NTM: variants seen among roughly 807,000 people sequenced by gnomAD.
The protein encoded by NTM is IgLON family member 2.
Under a neutral mutation model 42.1 loss-of-function variants are expected in NTM, and 13 were observed. The ratio of observed to expected loss-of-function variants is 0.31; its 90% CI spans 0.20 to 0.49. The LOEUF is 0.49. Ranked by LOEUF, NTM falls within the 20% of genes least tolerant of loss-of-function variation. NTM has a pLI of 0.99. For missense variants in NTM, 373 were observed against 452.8 expected (o/e 0.82, Z 1.60); for synonymous variants, 187 against 179.2 (o/e 1.04, Z -0.35).
intron 2 of NTM, among the ~76,000 whole-genome samples, chr11:131,933,235 G>A (rs1266806928): frequency 6.6e-6 from 1 of 152,182 alleles, no homozygotes; most frequent in Non-Finnish European, 1.5e-5. Flanking sequence ...CAGGGAGTGC[G>A]TGGGGCCCTG....
At position 131,873,537 on chromosome 11, in the gene NTM, TGTATATATATACATATATATATACC is replaced by T. The variant is rs1565657196; in HGVS notation, c.83-37952_83-37928del. On this transcript the variant is annotated intron_variant, in intron 1 of 8. Coordinates refer to ENST00000683400, the MANE Select transcript of NTM (RefSeq NM_001352005.2). ...AGAACTTAAAGTGTGTGTGTGTGTG[TGTATATATATACATATATATATACC>T]GTATATATATACATATATATATACC... 5.6e-3 allele frequency among the ~76,000 whole-genome samples: 405 copies of T among 71,848 alleles called. 1 individual carries two copies. Among genetic ancestry groups the T allele is most frequent in the Middle Eastern group, 8.1e-3 (1 of 124 alleles). The allele number at this position is 71,848 out of a possible 152,430, so 47.1% of individuals were successfully genotyped here.
At position 131,911,115 on chromosome 11, in the gene NTM, T is replaced by A. The variant is rs919788915; in HGVS notation, c.83-449T>A. On this transcript the variant is annotated intron_variant, in intron 1 of 8. Transcript: ENST00000683400. ...TCTGGTACCAAAGTGCTTACTCCTCTCCAAAGTGCCGTGTCTGAACTGCCG... is the reference window on the plus strand; with the variant it reads ...TCTGGTACCAAAGTGCTTACTCCTCACCAAAGTGCCGTGTCTGAACTGCCG... 127 of 1,211,392 alleles carry A rather than the reference T, an allele frequency of 1.0e-4. 1 individual carries two copies. Among genetic ancestry groups the A allele is most frequent in the South Asian group, 1.9e-5 (1 of 51,934 alleles). The allele number at this position is 1,211,392 out of a possible 1,614,324, so 75.0% of individuals were successfully genotyped here. A position where few individuals can be genotyped will look rare whatever the true frequency, so the allele number is the denominator to read the frequency against.
chr11:131,914,189 T>C (rs570740518), intron 2 of NTM, among the ~76,000 whole-genome samples: 1 of 152,342 alleles, frequency 6.6e-6, no homozygotes, highest in East Asian at 1.9e-4. Context: ...GTAACCTGAC[T>C]GTAGGTTGCA....
chr11:132,050,878 T>C (rs554304696), intron 2 of NTM, among the ~76,000 whole-genome samples: 3 of 152,362 alleles, frequency 2.0e-5, no homozygotes, highest in East Asian at 1.9e-4. Context: ...CATACTTACA[T>C]GTCTTGCCTC....
intron 4 of NTM, among the ~76,000 whole-genome samples, chr11:132,275,637 G>A (rs1242684555): frequency 7.7e-6 from 1 of 129,452 alleles, no homozygotes; most frequent in African/African-American, 2.9e-5. Flanking sequence ...ATTTTTTATT[G>A]ATTTAACTGA....
At chr11:131,933,058 G>A (rs1305741160) in intron 2 of NTM, among the ~76,000 whole-genome samples, 2 of 152,128 alleles carry the variant, frequency 1.3e-5, no homozygotes, top group Non-Finnish European at 2.9e-5. Flanking sequence ...CCTCCACAGC[G>A]CCAACTGTCA....
intron 1 of NTM, among the ~76,000 whole-genome samples, chr11:131,728,727 C>T (rs1401545517): frequency 6.6e-6 from 1 of 151,956 alleles, no homozygotes; most frequent in Non-Finnish European, 1.5e-5. Flanking sequence ...TTGGCCAATT[C>T]GTGATCAACT....
At chr11:131,446,354 T>A (rs1950056721) in intron 1 of NTM, among the ~76,000 whole-genome samples, 1 of 152,166 alleles carries the variant, frequency 6.6e-6, no homozygotes, top group Admixed American at 6.5e-5. Context: ...CGCCTGTGCA[T>A]TGTCTCCTTT....
chr11:132,213,868 G>A lies in NTM; in HGVS notation c.526+1721G>A. ...TCCCGCCTCAGCCTCCCAAGTAGCT[G>A]GGACTACAGGCGCCCGCCACTACGC... On this transcript the variant is annotated intron_variant, in intron 4 of 8. Coordinates refer to ENST00000683400, the MANE Select transcript of NTM (RefSeq NM_001352005.2). Among the ~76,000 whole-genome samples, 2 of 114,330 alleles carry A rather than the reference G, an allele frequency of 1.7e-5. 1 individual carries two copies. Among genetic ancestry groups the A allele is most frequent in the Non-Finnish European group, 3.9e-5 (2 of 50,652 alleles). The allele number at this position is 114,330 out of a possible 152,430, so 75.0% of individuals were successfully genotyped here.
At chr11:132,247,368 C>G (rs2091327741) in intron 4 of NTM, among the ~76,000 whole-genome samples, 2 of 152,150 alleles carry the variant, frequency 1.3e-5, no homozygotes, top group Admixed American at 6.5e-5. Flanking sequence ...CCGGCTTAGG[C>G]CTCTGTTTTT....
intron 1 of NTM, among the ~76,000 whole-genome samples, chr11:131,411,039 A>G (rs1295785411): frequency 6.6e-6 from 1 of 152,170 alleles, no homozygotes; most frequent in Non-Finnish European, 1.5e-5. Context: ...ACATACTTCT[A>G]TCCTCATATC....
chr11:131,768,337 C>T (rs776113614), intron 1 of NTM, among the ~76,000 whole-genome samples: 7 of 151,988 alleles, frequency 4.6e-5, no homozygotes, highest in Admixed American at 1.3e-4. Context: ...AAGCTGGTCT[C>T]GAACTCCCAA....
intron 3 of NTM, among the ~76,000 whole-genome samples, chr11:132,188,052 C>T (rs1486036066): frequency 6.6e-6 from 1 of 152,072 alleles, no homozygotes; most frequent in Non-Finnish European, 1.5e-5. Flanking sequence ...CTCCAGGGAA[C>T]ATTTGGCAAT....
chr11:131,544,949 C>T (rs972844983), intron 1 of NTM, among the ~76,000 whole-genome samples: 1 of 152,114 alleles, frequency 6.6e-6, no homozygotes, highest in African/African-American at 2.4e-5. Context: ...TCGGAAGGAC[C>T]CCAGACCCCT....
intron 1 of NTM, among the ~76,000 whole-genome samples, chr11:131,688,237 G>GCGC (rs1157505770): frequency 6.6e-6 from 1 of 152,122 alleles, no homozygotes; most frequent in Non-Finnish European, 1.5e-5. Flanking sequence ...CCCGGGGCGG[G>GCGC]GGAGGGCCCC....
intron 1 of NTM, among the ~76,000 whole-genome samples, chr11:131,788,926 T>G (rs1419353046): frequency 6.6e-6 from 1 of 152,172 alleles, no homozygotes; most frequent in Non-Finnish European, 1.5e-5. Context: ...CACCCTCGTT[T>G]CTTCTTCCTC....
intron 1 of NTM, among the ~76,000 whole-genome samples, chr11:131,588,731 C>A (rs1041203991): frequency 1.3e-5 from 2 of 152,174 alleles, no homozygotes; most frequent in African/African-American, 4.8e-5. Flanking sequence ...TGGCATCAGG[C>A]TAGTTGGGTA....
chr11:132,092,001 G>C (rs77812344), intron 2 of NTM, among the ~76,000 whole-genome samples: 1 of 152,128 alleles, frequency 6.6e-6, no homozygotes, highest in African/African-American at 2.4e-5. Context: ...TGTGAGTCCC[G>C]CTTCCCTTCC....
chr11:132,186,953 G>A (rs1405706891), intron 3 of NTM, among the ~76,000 whole-genome samples: 2 of 152,142 alleles, frequency 1.3e-5, no homozygotes, highest in Non-Finnish European at 2.9e-5. Flanking sequence ...GGGGTTTGTG[G>A]CAGCCATAGC....
Sources: gnomAD v4.1 joint callset for allele counts (sites outside exome capture counted in the v4.1 genomes callset) on GRCh38, gnomAD v4.1.1 for gene constraint, MANE v1.5 for transcripts, NCBI Gene and HGNC (gene_info 2026-07-23, HGNC 2026-07-21) for gene names.